Variants in SAXO1 observed in about 807,000 individuals in gnomAD.
SAXO1 encodes stabilizer of axonemal microtubules 1.
Under a neutral mutation model 17.5 loss-of-function variants are expected in SAXO1, and 21 were observed. The ratio of observed to expected loss-of-function variants is 1.20; its 90% CI spans 0.85 to 1.72. SAXO1 has a LOEUF of 1.72. Among genes scored for constraint, SAXO1 ranks in the 40% most tolerant of loss-of-function variants. The pLI is 0.00. For missense variants in SAXO1, 843 were observed against 596.0 expected (o/e 1.41, Z -4.32); for synonymous variants, 274 against 216.5 (o/e 1.27, Z -2.33).
chr9:18,997,004 G>A (rs562661321), intron 1 of SAXO1, among the ~76,000 whole-genome samples: 1 of 152,270 alleles, frequency 6.6e-6, no homozygotes, highest in African/African-American at 2.4e-5. Context: ...GAACAGCTCT[G>A]GTCTACAGCT....
chr9:19,034,281 G>T (rs1588570599), upstream of SAXO1, among the ~76,000 whole-genome samples: 1 of 152,008 alleles, frequency 6.6e-6, no homozygotes, highest in Non-Finnish European at 1.5e-5. Context: ...TGTGGGGGGG[G>T]TTAGGTTTTT....
chr9:18,982,985 G>A (rs1294355565), intron 1 of SAXO1, among the ~76,000 whole-genome samples: 2 of 152,056 alleles, frequency 1.3e-5, no homozygotes, highest in South Asian at 2.1e-4. Context: ...AATCAGCAGA[G>A]GAAATCAGGA....
At chr9:18,932,762 T>C (rs1831110369) in intron 3 of SAXO1, among the ~76,000 whole-genome samples, 1 of 152,224 alleles carries the variant, frequency 6.6e-6, no homozygotes, top group African/African-American at 2.4e-5. Flanking sequence ...TTTTTAAAAT[T>C]TTATTCCAAG....
intron 1 of SAXO1, among the ~76,000 whole-genome samples, chr9:19,007,561 G>C (rs1588519951): frequency 6.6e-6 from 1 of 152,180 alleles, no homozygotes; most frequent in South Asian, 2.1e-4. Flanking sequence ...CCATTCCAGA[G>C]TTTTACCCTA....
At chr9:19,045,568 T>C (rs2131077220) in intron 1 of SAXO1, among the ~76,000 whole-genome samples, 1 of 152,244 alleles carries the variant, frequency 6.6e-6, no homozygotes, top group Non-Finnish European at 1.5e-5. Context: ...CTAGCTTTCT[T>C]CTCCCACTTA....
At chr9:19,047,155 C>G (rs551891978) in intron 1 of SAXO1, among the ~76,000 whole-genome samples, 1 of 152,312 alleles carries the variant, frequency 6.6e-6, no homozygotes, top group South Asian at 2.1e-4. Flanking sequence ...CCACTGCACT[C>G]CGGCCTAGGC....
intron 3 of SAXO1, among the ~76,000 whole-genome samples, chr9:18,936,067 G>A (rs981925431): frequency 1.5e-4 from 23 of 152,104 alleles, no homozygotes; most frequent in Admixed American, 1.3e-3. Context: ...GTCTAGAAAT[G>A]GTTGATTTTC....
chr9:19,027,753 A>G, intron 1 of SAXO1: 1 of 1,491,460 alleles, frequency 6.7e-7, no homozygotes, highest in Non-Finnish European at 9.2e-7. Context: ...CGAGAGGTGC[A>G]GAGGACGATG....
At chr9:19,043,628 A>G (rs1211197205) in intron 1 of SAXO1, among the ~76,000 whole-genome samples, 2 of 152,016 alleles carry the variant, frequency 1.3e-5, no homozygotes, top group East Asian at 3.9e-4. Flanking sequence ...TTAGCCAGGC[A>G]TGGTAGTGCG....
intron 1 of SAXO1, among the ~76,000 whole-genome samples, chr9:18,996,237 G>A (rs762030294): frequency 6.0e-4 from 91 of 152,126 alleles, no homozygotes; most frequent in Non-Finnish European, 1.0e-3. Context: ...CTTCTTCGCT[G>A]CAGTATTTTA....
At chr9:18,948,832 C>G (rs1293624328) in intron 2 of SAXO1, among the ~76,000 whole-genome samples, 2 of 152,214 alleles carry the variant, frequency 1.3e-5, no homozygotes, top group African/African-American at 2.4e-5. Flanking sequence ...CTGAAGCCAA[C>G]TAGACATCTC....
In SAXO1 at chr9:18,929,075, G is replaced by T. The variant is rs762002778; in HGVS notation, c.422-20C>A. ...AATCAGCTGAAATTAAAGCAGAAGA[G>T]GTAATTAATAATAAATCAAGTCAAC... On this transcript the variant is annotated intron_variant, in intron 3 of 3. Transcript: ENST00000380534. 4.4e-6 allele frequency: 7 copies of T among 1,608,728 alleles called. No individual in the cohort carries two copies. In the South Asian group the frequency reaches 6.6e-5, roughly 15 times the overall value.
upstream of SAXO1, among the ~76,000 whole-genome samples, chr9:19,037,401 A>T (rs1233169120): frequency 6.6e-6 from 1 of 151,934 alleles, no homozygotes; most frequent in Admixed American, 6.5e-5. Context: ...CTCATCTTAA[A>T]TTGTACTCCC....
upstream of SAXO1, among the ~76,000 whole-genome samples, chr9:19,034,974 T>C (rs145179021): frequency 4.0e-5 from 6 of 151,850 alleles, no homozygotes; most frequent in Non-Finnish European, 8.8e-5. Flanking sequence ...CCCCACTTCC[T>C]CCATCCATGC....
At chr9:18,932,964 G>A (rs980018504) in intron 3 of SAXO1, among the ~76,000 whole-genome samples, 3 of 152,152 alleles carry the variant, frequency 2.0e-5, no homozygotes, top group Admixed American at 6.5e-5. Flanking sequence ...TGTTGTCTGA[G>A]AATAAAGACA....
In SAXO1 at chr9:18,983,858, C is replaced by A. The variant is rs151064963; in HGVS notation, c.39-32921G>T. ...TCCTTTCCAGAAGGCCAATACCAGT[C>A]AATGCCTGGCTTCCAATCTTCAAAG... is the stretch of plus-strand genomic sequence containing the variant. On this transcript the variant is annotated intron_variant, in intron 1 of 3. Coordinates refer to ENST00000380534, the MANE Select transcript of SAXO1 (RefSeq NM_153707.4). 3.0e-3 allele frequency among the ~76,000 whole-genome samples: 460 copies of A among 152,326 alleles called. 1 individual carries two copies. Among genetic ancestry groups the A allele is most frequent in the African/African-American group, 0.011 (438 of 41,580 alleles).
intron 1 of SAXO1, among the ~76,000 whole-genome samples, chr9:19,019,358 T>C (rs1247731949): frequency 6.6e-6 from 1 of 152,154 alleles, no homozygotes; most frequent in Non-Finnish European, 1.5e-5. Flanking sequence ...AGAGATAATT[T>C]TGTCAAACCT....
At chr9:19,029,152 C>G (rs927916196) in intron 1 of SAXO1, among the ~76,000 whole-genome samples, 2 of 152,170 alleles carry the variant, frequency 1.3e-5, no homozygotes, top group Non-Finnish European at 2.9e-5. Flanking sequence ...ATCCAGGCCT[C>G]TGAGCATCTC....
intron 1 of SAXO1, among the ~76,000 whole-genome samples, chr9:18,972,302 C>T (rs1832972549): frequency 6.6e-6 from 1 of 152,088 alleles, no homozygotes; most frequent in Non-Finnish European, 1.5e-5. Context: ...CAAAGTAGCC[C>T]TCTTCTTTTT....
Sources: gnomAD v4.1 joint callset for allele counts (sites outside exome capture counted in the v4.1 genomes callset) on GRCh38, gnomAD v4.1.1 for gene constraint, MANE v1.5 for transcripts, NCBI Gene and HGNC (gene_info 2026-07-23, HGNC 2026-07-21) for gene names.